Variants in QTMAN observed in about 807,000 individuals in gnomAD.
The protein encoded by QTMAN is tRNA-queuosine alpha-mannosyltransferase.
At chr2:144,055,336 C>CACAG in the QTMAN span, among the ~76,000 whole-genome samples, 1 of 118,618 alleles carries the variant, frequency 8.4e-6, no homozygotes, top group African/African-American at 4.3e-5. Flanking sequence ...GACACACAGA[C>CACAG]ACACACACAC....
the QTMAN span, among the ~76,000 whole-genome samples, chr2:144,187,653 T>C: frequency 6.6e-6 from 1 of 152,320 alleles, no homozygotes; most frequent in African/African-American, 2.4e-5. Context: ...TTATTATTTA[T>C]ACATGATGAT....
chr2:143,961,158 C>G, the QTMAN span, among the ~76,000 whole-genome samples: 2 of 152,060 alleles, frequency 1.3e-5, no homozygotes, highest in Non-Finnish European at 2.9e-5. Flanking sequence ...AACAATTTAG[C>G]CAAGGAGAGA....
the QTMAN span, among the ~76,000 whole-genome samples, chr2:144,133,227 A>G: frequency 2.5e-4 from 17 of 67,524 alleles, no homozygotes; most frequent in South Asian, 5.2e-3. Flanking sequence ...ATATAAATAT[A>G]TATTTATATT....
At chr2:144,064,691 T>C in the QTMAN span, among the ~76,000 whole-genome samples, 2 of 152,202 alleles carry the variant, frequency 1.3e-5, no homozygotes, top group African/African-American at 2.4e-5. Flanking sequence ...AAAAATGCCA[T>C]GTATGTTGTT....
the QTMAN span, among the ~76,000 whole-genome samples, chr2:144,149,845 C>G: frequency 6.6e-6 from 1 of 151,938 alleles, no homozygotes; most frequent in Non-Finnish European, 1.5e-5. Context: ...AGTTGTTTGC[C>G]TTTTACCCTA....
At chr2:144,241,136 T>TAGC in the QTMAN span, among the ~76,000 whole-genome samples, 1 of 152,170 alleles carries the variant, frequency 6.6e-6, no homozygotes, top group African/African-American at 2.4e-5. Flanking sequence ...CCTGGACCAG[T>TAGC]AGCAGCAGCA....
At chr2:143,957,468 T>A in the QTMAN span, 2 of 531,014 alleles carry the variant, frequency 3.8e-6, no homozygotes, top group South Asian at 5.4e-5. Flanking sequence ...CTTGGAGTTG[T>A]TTGCTTTTAT....
At chr2:144,277,955 C>T in the QTMAN span, among the ~76,000 whole-genome samples, 1 of 152,068 alleles carries the variant, frequency 6.6e-6, no homozygotes, top group Non-Finnish European at 1.5e-5. Flanking sequence ...CTGAGTTTCC[C>T]AAGGAGAAGC....
the QTMAN span, among the ~76,000 whole-genome samples, chr2:144,195,665 C>T: frequency 6.6e-6 from 1 of 152,076 alleles, no homozygotes; most frequent in Admixed American, 6.6e-5. Context: ...TTTTTCTACT[C>T]CTAGTTCTAA....
the QTMAN span, among the ~76,000 whole-genome samples, chr2:144,253,961 G>A: frequency 6.6e-6 from 1 of 152,188 alleles, no homozygotes; most frequent in East Asian, 1.9e-4. Context: ...CCAAACTCCT[G>A]CTCCCTGCTG....
chr2:144,206,430 T>A, the QTMAN span, among the ~76,000 whole-genome samples: 1 of 152,204 alleles, frequency 6.6e-6, no homozygotes, highest in East Asian at 1.9e-4. Flanking sequence ...TATCATGCTA[T>A]CAAGTTTTCA....
chr2:143,976,667 T>C, the QTMAN span, among the ~76,000 whole-genome samples: 2 of 152,214 alleles, frequency 1.3e-5, no homozygotes, highest in Non-Finnish European at 2.9e-5. Flanking sequence ...CTTTGAACGT[T>C]AATTCAGACA....
At chr2:144,145,640 C>T in the QTMAN span, 7 of 1,611,250 alleles carry the variant, frequency 4.3e-6, no homozygotes, top group Non-Finnish European at 5.9e-6. Flanking sequence ...GATATATCAA[C>T]TGGTTCTCGT....
chr2:144,316,494 G>A, the QTMAN span, among the ~76,000 whole-genome samples: 1 of 152,084 alleles, frequency 6.6e-6, no homozygotes, highest in South Asian at 2.1e-4. Flanking sequence ...TCTATTTGGA[G>A]GTGATCCAAT....
the QTMAN span, among the ~76,000 whole-genome samples, chr2:144,165,377 AT>A: frequency 4.0e-5 from 6 of 150,394 alleles, no homozygotes; most frequent in East Asian, 1.0e-3. Flanking sequence ...TCTCAAAAAA[AT>A]AAATAAATAA....
At chr2:144,150,110 A>T in the QTMAN span, among the ~76,000 whole-genome samples, 4 of 152,048 alleles carry the variant, frequency 2.6e-5, no homozygotes, top group Non-Finnish European at 5.9e-5. Context: ...GCTATTTATG[A>T]CATAATGAGA....
the QTMAN span, among the ~76,000 whole-genome samples, chr2:144,290,666 G>A: frequency 1.1e-4 from 17 of 152,274 alleles, no homozygotes; most frequent in South Asian, 2.3e-3. Context: ...CAGACACACT[G>A]TCCTCTTTTT....
chr2:144,164,685 G>T, the QTMAN span, among the ~76,000 whole-genome samples: 1 of 152,106 alleles, frequency 6.6e-6, no homozygotes, highest in Non-Finnish European at 1.5e-5. Context: ...AGAACATTCT[G>T]TCAGTCTTTT....
At chr2:144,182,857 ATATAATATATATATATTATATATATATTT>A in the QTMAN span, among the ~76,000 whole-genome samples, 10 of 70,316 alleles carry the variant, frequency 1.4e-4, no homozygotes, top group African/African-American at 5.1e-4. Context: ...TATATTTTAT[ATATAATATATATATATTATATATATATTT>A]TATATATATA....
Sources: gnomAD v4.1 joint callset for allele counts (sites outside exome capture counted in the v4.1 genomes callset) on GRCh38, gnomAD v4.1.1 for gene constraint, MANE v1.5 for transcripts, NCBI Gene and HGNC (gene_info 2026-07-23, HGNC 2026-07-21) for gene names.